LINGO2: variants seen among roughly 807,000 people sequenced by gnomAD.
LINGO2 encodes the protein leucine rich repeat and Ig domain containing 2.
Under a neutral mutation model 30.6 loss-of-function variants are expected in LINGO2, and 14 were observed. That is an observed-to-expected ratio of 0.46 (90% CI 0.30 to 0.72). The LOEUF is 0.72. LINGO2 is among the 30% of genes least tolerant of loss of function. The pLI is 0.07. For missense variants in LINGO2, 729 were observed against 751.7 expected (o/e 0.97, Z 0.35); for synonymous variants, 317 against 288.5 (o/e 1.10, Z -1.00).
chr9:28,976,485 C>T, the LINGO2 span, among the ~76,000 whole-genome samples: 2 of 152,174 alleles, frequency 1.3e-5, no homozygotes, highest in Admixed American at 1.3e-4. Flanking sequence ...AAGAATGTAA[C>T]CACATTCAAC....
At chr9:28,306,218 C>A (rs1459109781) in intron 3 of LINGO2, among the ~76,000 whole-genome samples, 1 of 151,996 alleles carries the variant, frequency 6.6e-6, no homozygotes, top group Non-Finnish European at 1.5e-5. Context: ...CTTGCCTTGT[C>A]CTCTGAGCCT....
chr9:28,726,750 G>C, the LINGO2 span, among the ~76,000 whole-genome samples: 2 of 152,160 alleles, frequency 1.3e-5, no homozygotes. Context: ...TAGATGTAGT[G>C]TAATTTACAT....
chr9:28,649,156 C>G lies in LINGO2; in HGVS notation c.-365+21044G>C, dbSNP rs568826311. On this transcript the variant is annotated intron_variant, in intron 1 of 5. Coordinates refer to ENST00000379992, the Ensembl canonical transcript of LINGO2. ...TTTCAGTCAAAGCAAACCACACATA[C>G]ACTTTGCAGCAAATTTAAAGACCAG... 9.2e-5 allele frequency among the ~76,000 whole-genome samples: 14 copies of G among 152,194 alleles called. No homozygotes were observed. In the East Asian group the frequency reaches 2.7e-3, roughly 29 times the overall value.
the LINGO2 span, among the ~76,000 whole-genome samples, chr9:28,711,271 C>T: frequency 1.2e-4 from 18 of 152,074 alleles, no homozygotes; most frequent in East Asian, 2.9e-3. Flanking sequence ...GCTAACCCTA[C>T]GTTTCTATCA....
chr9:29,121,036 CA>C, the LINGO2 span, among the ~76,000 whole-genome samples: 3 of 151,750 alleles, frequency 2.0e-5, no homozygotes, highest in Non-Finnish European at 4.4e-5. Context: ...ATATATACAT[CA>C]AAAAAAGGTC....
At chr9:28,485,540 T>C (rs940280449) in intron 1 of LINGO2, among the ~76,000 whole-genome samples, 1 of 152,064 alleles carries the variant, frequency 6.6e-6, no homozygotes, top group Non-Finnish European at 1.5e-5. Flanking sequence ...GAAAAATACC[T>C]CATGAAGGAT....
At chr9:28,971,602 G>C in the LINGO2 span, among the ~76,000 whole-genome samples, 1 of 152,210 alleles carries the variant, frequency 6.6e-6, no homozygotes, top group Non-Finnish European at 1.5e-5. Flanking sequence ...CTTGTGGTTT[G>C]AATGCTGCCA....
chr9:28,606,580 G>A (rs1169001947), intron 1 of LINGO2, among the ~76,000 whole-genome samples: 1 of 152,014 alleles, frequency 6.6e-6, no homozygotes, highest in Non-Finnish European at 1.5e-5. Context: ...GAATTTGTTT[G>A]TCTTGATACA....
At chr9:29,100,032 A>G in the LINGO2 span, among the ~76,000 whole-genome samples, 1 of 152,230 alleles carries the variant, frequency 6.6e-6, no homozygotes, top group Non-Finnish European at 1.5e-5. Context: ...CATAGACACA[A>G]ATACTATTCA....
At chr9:29,194,901 A>G in the LINGO2 span, among the ~76,000 whole-genome samples, 1 of 152,192 alleles carries the variant, frequency 6.6e-6, no homozygotes, top group African/African-American at 2.4e-5. Context: ...TTGTGATTTT[A>G]TGTGTATTTA....
intron 2 of LINGO2, among the ~76,000 whole-genome samples, chr9:28,394,356 G>A (rs1821958805): frequency 6.6e-6 from 1 of 151,430 alleles, no homozygotes; most frequent in South Asian, 2.1e-4. Flanking sequence ...AGCAAATGGG[G>A]ATTGTTTTTT....
the LINGO2 span, among the ~76,000 whole-genome samples, chr9:28,893,272 C>A: frequency 1.3e-5 from 2 of 151,922 alleles, no homozygotes. Context: ...AATTACTTTT[C>A]ACATTTCTCA....
In LINGO2 at chr9:28,593,918, G is replaced by C. The variant is rs146767348; in HGVS notation, c.-365+76282C>G. ...CTAGGAAGCAGCTTAAATTGTAGGAGAATATGAATCATCATGGATATCCTA... is the reference window on the plus strand; with the variant it reads ...CTAGGAAGCAGCTTAAATTGTAGGACAATATGAATCATCATGGATATCCTA... On this transcript the variant is annotated intron_variant, in intron 1 of 5. Coordinates refer to ENST00000379992, the Ensembl canonical transcript of LINGO2. 7.2e-4 allele frequency among the ~76,000 whole-genome samples: 109 copies of C among 152,050 alleles called. 2 individuals are homozygous for C. In the East Asian group the frequency reaches 0.019, roughly 26 times the overall value.
chr9:28,435,874 T>C (rs1217998790), intron 2 of LINGO2, among the ~76,000 whole-genome samples: 1 of 152,196 alleles, frequency 6.6e-6, no homozygotes, highest in Non-Finnish European at 1.5e-5. Flanking sequence ...AATTGTTGGA[T>C]AAATCAATAG....
the LINGO2 span, among the ~76,000 whole-genome samples, chr9:29,140,934 G>T: frequency 1.3e-5 from 2 of 151,996 alleles, no homozygotes; most frequent in Non-Finnish European, 2.9e-5. Context: ...CCAGAAACTG[G>T]TCCCTCAAAA....
At chr9:28,509,035 G>A (rs987097337) in intron 1 of LINGO2, among the ~76,000 whole-genome samples, 26 of 152,096 alleles carry the variant, frequency 1.7e-4, no homozygotes, top group African/African-American at 6.3e-4. Flanking sequence ...GAATCTAGCA[G>A]ACTCTATGGT....
At chr9:28,725,972 T>C in the LINGO2 span, among the ~76,000 whole-genome samples, 2 of 152,260 alleles carry the variant, frequency 1.3e-5, no homozygotes, top group African/African-American at 2.4e-5. Flanking sequence ...CAATGTAATA[T>C]ATCAAATAAT....
intron 4 of LINGO2, among the ~76,000 whole-genome samples, chr9:28,069,269 T>C (rs1825403338): frequency 6.6e-6 from 1 of 152,100 alleles, no homozygotes; most frequent in African/African-American, 2.4e-5. Flanking sequence ...TTTGTTTTAT[T>C]TATCTCTTTT....
intron 1 of LINGO2, among the ~76,000 whole-genome samples, chr9:28,592,917 C>G (rs146106262): frequency 6.6e-6 from 1 of 152,014 alleles, no homozygotes; most frequent in East Asian, 1.9e-4. Context: ...CTCTCTGCCA[C>G]GTGTAACATG....
Sources: allele counts gnomAD v4.1 joint callset (sites outside exome capture counted in the v4.1 genomes callset), GRCh38; gene constraint gnomAD v4.1.1; transcripts MANE v1.5; gene names NCBI Gene and HGNC (gene_info 2026-07-23, HGNC 2026-07-21).